ZDHHC24: variants seen among roughly 807,000 people sequenced by gnomAD.
ZDHHC24 encodes the protein zDHHC palmitoyltransferase 24.
A neutral mutation model predicts 23.2 loss-of-function variants in ZDHHC24; 17 were observed. The observed-to-expected ratio is 0.73, with a 90% CI of 0.50 to 1.10. The LOEUF is 1.10. Ranked by LOEUF, ZDHHC24 falls within the 50% of genes least tolerant of loss-of-function variation. The pLI, the probability that ZDHHC24 is intolerant of heterozygous loss-of-function variation, is 0.00. For synonymous variants in ZDHHC24, 186 were observed against 194.5 expected, an observed-to-expected ratio of 0.96 and a Z score of 0.36; for missense variants, 366 against 393.0, an observed-to-expected ratio of 0.93 and a Z score of 0.58.
At chr11:66,529,681 C>T in intron 2 of ZDHHC24, 2 of 1,128,152 alleles carry the variant, frequency 1.8e-6, no homozygotes, top group Middle Eastern at 2.4e-4. Flanking sequence ...TTCCCTCCTC[C>T]CCAGCTCCTG....
intron 2 of ZDHHC24, among the ~76,000 whole-genome samples, chr11:66,530,617 C>T (rs1856735738): frequency 6.6e-6 from 1 of 152,030 alleles, no homozygotes. Flanking sequence ...GGAGGTGGAA[C>T]AGGCAGGGGG....
chr11:66,543,555 G>T, intron 2 of ZDHHC24, 149 bp downstream of exon 2: 1 of 1,020,570 alleles, frequency 9.8e-7, no homozygotes, highest in African/African-American at 1.6e-5. Context: ...GCACCCCCGG[G>T]TGAATACCAA....
chr11:66,521,662 T>G lies in ZDHHC24; in HGVS notation c.*22-196A>C. ...GGCTCACGCCTGTAATCCCAGCACT[T>G]TGGGAGGCCGAGGCAAGCGGATCAC... On this transcript the variant is annotated intron_variant, in intron 4 of 4. Coordinates refer to the ZDHHC24 transcript ENST00000526986. 7.5e-6 allele frequency: 3 copies of G among 402,100 alleles called. No individual in the cohort carries two copies. In the East Asian group the frequency reaches 1.7e-4, roughly 23 times the overall value. 24.9% of individuals were successfully genotyped at this position (402,100 alleles called of 1,614,324 possible). A position where few individuals can be genotyped will look rare whatever the true frequency, so the allele number is the denominator to read the frequency against.
rs368302072 is a variant in ZDHHC24, at chr11:66,526,806, C to T, written c.*21+130G>A. On this transcript the variant is annotated intron_variant, in intron 4 of 4. Transcript: ENST00000526986. ...CACTGCGAGAGCGGGAGGCTGGCAC[C>T]GGTGAGCCTCAGACTGGGTCCTTTC... The T allele has an allele frequency of 2.1e-4, 332 of 1,614,220 alleles. 1 individual carries two copies. The South Asian group carries it at 3.3e-3, about 16-fold the overall frequency.
rs2134869014 is a variant in ZDHHC24 at position 66,537,972 on chromosome 11, G to A, written c.*1557C>T. On this transcript the variant is annotated 3_prime_UTR_variant, in exon 3 of 3. Transcript: ENST00000310442. ...AAATAAAATAAAATAATAAAAAATT[G>A]TCAGCCAGGCACGGTAGCTCACGCC... The A allele has an allele frequency of 6.8e-6, 1 of 146,300 alleles. No individual in the cohort carries two copies. Among genetic ancestry groups the A allele is most frequent in the Non-Finnish European group, 1.5e-5 (1 of 66,050 alleles). 9.1% of individuals were successfully genotyped at this position (146,300 alleles called of 1,614,324 possible).
chr11:66,541,532 C>T (rs1305802640), intron 2 of ZDHHC24, among the ~76,000 whole-genome samples: 7 of 152,028 alleles, frequency 4.6e-5, no homozygotes, highest in Admixed American at 1.3e-4. Flanking sequence ...AACAGTTCTG[C>T]GAGTAGGGGG....
intron 4 of ZDHHC24, among the ~76,000 whole-genome samples, chr11:66,525,624 G>A (rs1380598134): frequency 6.6e-6 from 1 of 152,188 alleles, no homozygotes; most frequent in South Asian, 2.1e-4. Flanking sequence ...CTGTGTCACA[G>A]TATAAAATTT....
chr11:66,540,341 C>T (rs1851506797), intron 2 of ZDHHC24, among the ~76,000 whole-genome samples: 1 of 148,932 alleles, frequency 6.7e-6, no homozygotes, highest in African/African-American at 2.5e-5. Context: ...GCAGGAGAAT[C>T]GCTTTAACCT....
rs749707706 is a variant in ZDHHC24, at chr11:66,526,616, G to C, written c.*21+320C>G. 10 of 1,614,080 alleles carry C rather than the reference G, an allele frequency of 6.2e-6. No individual in the cohort carries two copies. In the South Asian group the frequency reaches 1.1e-4, roughly 18 times the overall value. On this transcript the variant is annotated intron_variant, in intron 4 of 4. Transcript: ENST00000526986. The stretch of plus-strand genomic sequence containing the variant: ...ATGGGAATGTGGGTAGAACTGGGGA[G>C]GACAAATCCATTTCCACTGTCCACT...
At chr11:66,530,910 C>T, downstream of ZDHHC24, 1 of 1,614,176 alleles carries the variant, frequency 6.2e-7, no homozygotes, top group Non-Finnish European at 8.5e-7. Context: ...GGCCTTGGCC[C>T]CACCTTTAAG....
At position 66,538,031 on chromosome 11, in the gene ZDHHC24, G is replaced by A. The variant is rs1857029617; in HGVS notation, c.*1498C>T. On this transcript the variant is annotated 3_prime_UTR_variant, in exon 3 of 3. Coordinates refer to ENST00000310442, the MANE Select transcript of ZDHHC24 (RefSeq NM_207340.3). The stretch of plus-strand genomic sequence containing the variant: ...TAGCACTTTGGGAGACGGAGGTGGA[G>A]GCAGGTGCCAGGAATTCAAGTTCAG... 1 of 152,184 alleles carries A rather than the reference G, an allele frequency of 6.6e-6. No individual in the cohort carries two copies. The highest frequency in any genetic ancestry group is 1.5e-5 in the Non-Finnish European group (1 of 68,040). 9.4% of individuals were successfully genotyped at this position (152,184 alleles called of 1,614,324 possible).
chr11:66,522,954 C>A (rs1374221633), intron 4 of ZDHHC24: 7 of 359,250 alleles, frequency 1.9e-5, no homozygotes, highest in Non-Finnish European at 2.7e-5. Flanking sequence ...TGTAGGCCAA[C>A]TCAAAGTGGG....
chr11:66,531,968 A>T, downstream of ZDHHC24: 1 of 1,601,628 alleles, frequency 6.2e-7, no homozygotes, highest in African/African-American at 1.3e-5. Context: ...TGCTTCGAGA[A>T]GGCCAAAGTG....
exon 3 of ZDHHC24, chr11:66,529,389 G>T: frequency 7.5e-7 from 1 of 1,338,086 alleles, no homozygotes; most frequent in Non-Finnish European, 1.0e-6. Flanking sequence ...AGGCAGGCGA[G>T]GGTGCTCACT....
At chr11:66,530,828 G>A (rs79542142), downstream of ZDHHC24, 9,587 of 1,607,618 alleles carry the variant, frequency 6.0e-3, 30 homozygotes, top group Non-Finnish European at 7.5e-3. Flanking sequence ...GGCAGGCAGA[G>A]CACACTGTAC....
intron 3 of ZDHHC24, among the ~76,000 whole-genome samples, chr11:66,528,023 G>T (rs534738741): frequency 8.5e-5 from 13 of 152,256 alleles, no homozygotes; most frequent in Admixed American, 7.2e-4. Context: ...CTGAGGTCAG[G>T]AGTTCGTGAC....
downstream of ZDHHC24, chr11:66,531,836 G>C (rs1677716720): frequency 1.2e-6 from 2 of 1,607,334 alleles, no homozygotes; most frequent in African/African-American, 2.7e-5. Flanking sequence ...GGGCTCCTGG[G>C]TGGGGGTGGG....
exon 5 of ZDHHC24, chr11:66,521,199 G>C: frequency 8.9e-7 from 1 of 1,121,332 alleles, no homozygotes; most frequent in Non-Finnish European, 1.4e-6. Context: ...CTCACTCAGA[G>C]GAGTTACTGA....
At chr11:66,531,097 A>G, downstream of ZDHHC24, 1 of 1,593,892 alleles carries the variant, frequency 6.3e-7, no homozygotes, top group Non-Finnish European at 8.6e-7. Context: ...AGATGCCCAC[A>G]GAGCCCCGCC....
Sources: allele counts gnomAD v4.1 joint callset (sites outside exome capture counted in the v4.1 genomes callset), GRCh38; gene constraint gnomAD v4.1.1; transcripts MANE v1.5; gene names NCBI Gene and HGNC (gene_info 2026-07-23, HGNC 2026-07-21).